The following C1orf21 variants were observed in gnomAD, a reference collection of about 807,000 sequenced individuals.
The protein encoded by C1orf21 is uncharacterized protein C1orf21.
Under a neutral mutation model 18.7 loss-of-function variants are expected in C1orf21, and 3 were observed. The observed-to-expected ratio is 0.16, with a 90% CI of 0.07 to 0.42. The LOEUF (loss-of-function observed/expected upper bound fraction) is 0.42. C1orf21 is among the 10% of genes least tolerant of loss of function. C1orf21 has a pLI of 0.99. For synonymous variants in C1orf21, 41 were observed against 46.4 expected (o/e 0.88, Z 0.47); for missense variants, 104 against 143.6 (o/e 0.72, Z 1.41).
At chr1:184,606,015 A>C (rs968957195) in intron 5 of C1orf21, among the ~76,000 whole-genome samples, 8 of 152,226 alleles carry the variant, frequency 5.3e-5, no homozygotes, top group African/African-American at 1.9e-4. Context: ...TCCTTGTAGA[A>C]AGAGTAGTAG....
Position 184,449,157 on chromosome 1 carries a change from G to A in C1orf21, c.-124-28229G>A, listed in dbSNP as rs368756688. ...GTTGGTGTGCTGCACCCATTAACTC[G>A]TCATTTACATTAGGTGTATCTCCTA... On this transcript the variant is annotated intron_variant, in intron 1 of 5. Transcript: ENST00000235307. Among the ~76,000 whole-genome samples the A allele has an allele frequency of 1.3e-3, 190 of 151,924 alleles. 1 individual carries two copies. Among genetic ancestry groups the A allele is most frequent in the African/African-American group, 3.8e-3 (156 of 41,404 alleles).
At chr1:184,496,186 G>A (rs957708759) in intron 2 of C1orf21, among the ~76,000 whole-genome samples, 3 of 152,142 alleles carry the variant, frequency 2.0e-5, no homozygotes, top group African/African-American at 7.2e-5. Context: ...TCCTGAAGGA[G>A]ACACAAACAG....
intron 1 of C1orf21, among the ~76,000 whole-genome samples, chr1:184,427,371 C>T (rs1656658683): frequency 6.6e-6 from 1 of 152,144 alleles, no homozygotes; most frequent in African/African-American, 2.4e-5. Context: ...GCTTCTCTTA[C>T]TCTGTGGAGC....
intron 1 of C1orf21, among the ~76,000 whole-genome samples, chr1:184,427,607 CAAATGATGTGGTTG>C (rs1265406632): frequency 6.6e-6 from 1 of 152,122 alleles, no homozygotes. Context: ...ACCCATCTGT[CAAATGATGTGGTTG>C]AAATGAATGA....
At chr1:184,487,503 A>T (rs992053119) in intron 2 of C1orf21, among the ~76,000 whole-genome samples, 1 of 152,230 alleles carries the variant, frequency 6.6e-6, no homozygotes, top group African/African-American at 2.4e-5. Flanking sequence ...ACAATGGCAG[A>T]TGCTGACTCG....
chr1:184,477,754 A>G, intron 2 of C1orf21, 151 bp downstream of exon 2: 1 of 638,548 alleles, frequency 1.6e-6, no homozygotes, highest in Non-Finnish European at 2.7e-6. Context: ...TATTTAGGAT[A>G]TCTATCACCT....
intron 1 of C1orf21, among the ~76,000 whole-genome samples, chr1:184,427,278 A>C (rs1183496766): frequency 6.6e-6 from 1 of 152,210 alleles, no homozygotes; most frequent in Non-Finnish European, 1.5e-5. Flanking sequence ...GCTTTGACAG[A>C]AATCTCTCTA....
At chr1:184,396,169 A>G (rs530603821) in intron 1 of C1orf21, among the ~76,000 whole-genome samples, 2 of 152,178 alleles carry the variant, frequency 1.3e-5, no homozygotes, top group Non-Finnish European at 2.9e-5. Context: ...AGGTCATGCT[A>G]AGAGTTTGGA....
intron 1 of C1orf21, among the ~76,000 whole-genome samples, chr1:184,441,766 A>G (rs953110160): frequency 6.6e-6 from 1 of 152,236 alleles, no homozygotes; most frequent in East Asian, 1.9e-4. Context: ...TAAAGCTGTT[A>G]TAAACCTAAG....
At chr1:184,430,510 A>G (rs1656723273) in intron 1 of C1orf21, among the ~76,000 whole-genome samples, 1 of 152,236 alleles carries the variant, frequency 6.6e-6, no homozygotes, top group Non-Finnish European at 1.5e-5. Context: ...ATTAGTAGCT[A>G]CTTACATTTT....
At chr1:184,575,156 C>G (rs1659169064) in intron 3 of C1orf21, among the ~76,000 whole-genome samples, 1 of 152,206 alleles carries the variant, frequency 6.6e-6, no homozygotes. Flanking sequence ...CACTTAGTCT[C>G]TATTGCTAAA....
intron 3 of C1orf21, among the ~76,000 whole-genome samples, chr1:184,559,505 C>CCCTTCCTTCCTTCCTTCCTT (rs71101933): frequency 4.6e-4 from 22 of 47,866 alleles, no homozygotes; most frequent in African/African-American, 1.3e-3. Flanking sequence ...CTTCCTTCCC[C>CCCTTCCTTCCTTCCTTCCTT]CCTTCCTTCC....
intron 3 of C1orf21, among the ~76,000 whole-genome samples, chr1:184,576,574 C>G (rs1558006649): frequency 6.6e-6 from 1 of 152,344 alleles, no homozygotes; most frequent in East Asian, 1.9e-4. Context: ...TTTCTCCTCC[C>G]TCTATTGTCC....
At chr1:184,567,898 C>A (rs989865672) in intron 3 of C1orf21, 8 of 199,024 alleles carry the variant, frequency 4.0e-5, no homozygotes, top group Non-Finnish European at 8.1e-5. Flanking sequence ...TTGAGACAAT[C>A]AGGCATGAAG....
chr1:184,595,135 C>T (rs1285613279), intron 4 of C1orf21, among the ~76,000 whole-genome samples: 1 of 152,072 alleles, frequency 6.6e-6, no homozygotes, highest in Non-Finnish European at 1.5e-5. Flanking sequence ...GTTTTAGTTA[C>T]GAGAGAGAAA....
intron 1 of C1orf21, among the ~76,000 whole-genome samples, chr1:184,461,357 A>G (rs1449877590): frequency 6.6e-6 from 1 of 152,242 alleles, no homozygotes; most frequent in Non-Finnish European, 1.5e-5. Flanking sequence ...CCAAATAAGC[A>G]GCCACGCGAT....
rs991486018 is a variant in C1orf21, at chr1:184,620,151, G to A, written c.*595G>A. ...AAAAGCATGCTGTGATGTGACTCCT[G>A]GAAGTGACGTAGGAGTGAGTGGCAG... is the stretch of plus-strand genomic sequence containing the variant. On this transcript the variant is annotated 3_prime_UTR_variant, in exon 6 of 6. Transcript: ENST00000235307. The A allele has an allele frequency of 2.0e-5, 3 of 152,636 alleles. No homozygotes were observed. Among genetic ancestry groups the A allele is most frequent in the African/African-American group, 7.2e-5 (3 of 41,420 alleles). 9.5% of individuals were successfully genotyped at this position (152,636 alleles called of 1,614,324 possible).
intron 1 of C1orf21, among the ~76,000 whole-genome samples, chr1:184,398,548 C>T (rs1656099836): frequency 6.6e-6 from 1 of 152,206 alleles, no homozygotes; most frequent in African/African-American, 2.4e-5. Flanking sequence ...TGTCATTTAA[C>T]CACACAGGTA....
At chr1:184,488,398 A>C (rs1482940583) in intron 2 of C1orf21, among the ~76,000 whole-genome samples, 1 of 152,202 alleles carries the variant, frequency 6.6e-6, no homozygotes, top group East Asian at 1.9e-4. Flanking sequence ...TTTATCATGC[A>C]GAGTGAGATG....
Sources: gnomAD v4.1 joint callset for allele counts (sites outside exome capture counted in the v4.1 genomes callset) on GRCh38, gnomAD v4.1.1 for gene constraint, MANE v1.5 for transcripts, NCBI Gene and HGNC (gene_info 2026-07-23, HGNC 2026-07-21) for gene names.